Variants in DNAAF1 observed in about 807,000 individuals in gnomAD.
DNAAF1 encodes the protein dynein assembly factor 1, axonemal.
Under a neutral mutation model 71.1 loss-of-function variants are expected in DNAAF1, and 65 were observed. The observed-to-expected ratio is 0.91, with a 90% confidence interval of 0.75 to 1.12. The LOEUF is 1.12. Among genes scored for constraint, DNAAF1 ranks in the 50% most tolerant of loss-of-function variants. The probability of loss-of-function intolerance (pLI) is 0.00; values close to 1 mark genes in which losing one functional copy is unlikely to be tolerated. For synonymous variants in DNAAF1, 414 were observed against 354.6 expected (o/e 1.17, Z -1.88); for missense variants, 1,178 against 899.8 (o/e 1.31, Z -3.96).
intron 1 of DNAAF1, among the ~76,000 whole-genome samples, chr16:84,146,318 G>T (rs2086904435): frequency 6.6e-6 from 1 of 152,224 alleles, no homozygotes; most frequent in African/African-American, 2.4e-5. Flanking sequence ...ATTGAATTTG[G>T]AGTCTAGTCC....
intron 6 of DNAAF1, among the ~76,000 whole-genome samples, chr16:84,164,072 T>C (rs901954047): frequency 2.0e-5 from 3 of 152,328 alleles, no homozygotes; most frequent in Admixed American, 1.3e-4. Context: ...CCCAGAGTGC[T>C]GAGATTACAG....
chr16:84,177,143 TGGCC>T, intron 11 of DNAAF1: 1 of 174,512 alleles, frequency 5.7e-6, no homozygotes. Context: ...AAGCAGGGAG[TGGCC>T]TGAGTGCATT....
chr16:84,176,492 C>T, intron 11 of DNAAF1, 193 bp downstream of exon 11: 2 of 849,568 alleles, frequency 2.4e-6, no homozygotes, highest in Non-Finnish European at 3.7e-6. Flanking sequence ...TTGCTGGTAG[C>T]CAGCCTGGGC....
At chr16:84,172,776 A>G (rs531256827) in intron 9 of DNAAF1, 56 of 1,104,860 alleles carry the variant, frequency 5.1e-5, no homozygotes, top group South Asian at 7.4e-5. Context: ...ATCTTTATAC[A>G]TTGTATCTTT....
At position 84,156,889 on chromosome 16, in the gene DNAAF1, G is replaced by GA. The variant is rs71148886; in HGVS notation, c.741+1140_741+1141insA. 5.1e-3 allele frequency among the ~76,000 whole-genome samples: 533 copies of GA among 104,576 alleles called. 1 individual carries two copies. Among genetic ancestry groups the GA allele is most frequent in the Admixed American group, 6.6e-3 (46 of 6,960 alleles). The allele number at this position is 104,576 out of a possible 152,430, so 68.6% of individuals were successfully genotyped here. A position where few individuals can be genotyped will look rare whatever the true frequency, so the allele number is the denominator to read the frequency against. On this transcript the variant is annotated intron_variant, in intron 5 of 11. Coordinates refer to ENST00000378553, the MANE Select transcript of DNAAF1 (RefSeq NM_178452.6). ...TTTTTTTGAGACAGGGTCTTGCTCT[G>GA]TCACCCAGGCTGGAGTGCAGTGGTA...
intron 3 of DNAAF1, among the ~76,000 whole-genome samples, chr16:84,152,558 G>C (rs1041391422): frequency 6.6e-6 from 1 of 151,250 alleles, no homozygotes; most frequent in African/African-American, 2.4e-5. Context: ...GCTGAGGCAG[G>C]AGAATCGCTT....
At chr16:84,172,518 G>C in intron 9 of DNAAF1, 143 bp downstream of exon 9, 1 of 1,494,596 alleles carries the variant, frequency 6.7e-7, no homozygotes, top group Non-Finnish European at 8.9e-7. Context: ...GCGCTGGTTA[G>C]AAATGCAGAC....
chr16:84,164,756 T>C (rs193052203), intron 6 of DNAAF1, among the ~76,000 whole-genome samples: 2 of 152,346 alleles, frequency 1.3e-5, no homozygotes, highest in Admixed American at 1.3e-4. Flanking sequence ...TGGACATAAG[T>C]CTTCAACTCA....
At chr16:84,152,735 C>T (rs998794155) in intron 3 of DNAAF1, among the ~76,000 whole-genome samples, 8 of 150,832 alleles carry the variant, frequency 5.3e-5, no homozygotes, top group African/African-American at 2.0e-4. Context: ...AGGTGGATCA[C>T]CTGAGGTAAG....
Position 84,176,089 on chromosome 16 carries a change from G to A in DNAAF1, c.1855G>A (p.Val619Met), listed in dbSNP as rs1453957672. 6.2e-7 allele frequency: 1 copy of A among 1,613,878 alleles called. No individual in the cohort carries two copies. Among genetic ancestry groups the A allele is most frequent in the African/African-American group, 1.3e-5 (1 of 74,884 alleles). The part of the protein sequence containing the change: ...VSKDTSKAAR[V>M]PFTDIFKKEA... ...TAAAGACACCTCAAAGGCGGCTCGGGTGCCCTTCACAGACATCTTTAAAAA... is the reference window on the plus strand; with the variant it reads ...TAAAGACACCTCAAAGGCGGCTCGGATGCCCTTCACAGACATCTTTAAAAA... The change falls in exon 11 of 12, where the codon GTG becomes ATG. Residue 619 changes from valine (V) to methionine (M), a missense_variant. Coordinates refer to ENST00000378553, the MANE Select transcript of DNAAF1 (RefSeq NM_178452.6).
intron 3 of DNAAF1, among the ~76,000 whole-genome samples, chr16:84,151,988 C>T (rs942719570): frequency 1.3e-5 from 2 of 152,196 alleles, no homozygotes; most frequent in African/African-American, 2.4e-5. Context: ...CTTACTGCAT[C>T]GCTAACATGA....
intron 3 of DNAAF1, among the ~76,000 whole-genome samples, chr16:84,150,623 T>G (rs2087138825): frequency 6.7e-6 from 1 of 149,620 alleles, no homozygotes; most frequent in African/African-American, 2.5e-5. Flanking sequence ...TTTCTTTTTT[T>G]TTTTTTTTTT....
intron 11 of DNAAF1, 130 bp downstream of exon 11, chr16:84,176,429 A>C (rs1450314762): frequency 7.3e-7 from 1 of 1,363,356 alleles, no homozygotes; most frequent in Non-Finnish European, 1.0e-6. Flanking sequence ...AGGACAGACC[A>C]CACAGATCCT....
intron 9 of DNAAF1, 100 bp from the exon 10 acceptor site, chr16:84,174,569 C>G: frequency 6.2e-7 from 1 of 1,606,540 alleles, no homozygotes; most frequent in Non-Finnish European, 8.5e-7. Flanking sequence ...GTAACTGTAA[C>G]TAAGGCTGGG....
chr16:84,158,545 C>T (rs116043095), intron 5 of DNAAF1, among the ~76,000 whole-genome samples: 1,806 of 152,204 alleles, frequency 0.012, 46 homozygotes, highest in African/African-American at 0.042. Context: ...TTGATTAGGA[C>T]ACAATTCAGC....
intron 10 of DNAAF1, 157 bp from the exon 11 acceptor site, chr16:84,175,776 C>G (rs1447226676): frequency 1.4e-5 from 13 of 946,960 alleles, no homozygotes; most frequent in Non-Finnish European, 2.0e-5. Context: ...ACCCCCAGGC[C>G]TAACTTTCAG....
intron 5 of DNAAF1, among the ~76,000 whole-genome samples, chr16:84,156,851 C>CTTTTTTTTTTTTTTTT (rs778916785): frequency 5.4e-5 from 6 of 111,804 alleles, no homozygotes; most frequent in African/African-American, 2.2e-4. Context: ...TTCTTTCTTT[C>CTTTTTTTTTTTTTTTT]TTTTTTTTTT....
At chr16:84,156,865 T>C (rs1597427540) in intron 5 of DNAAF1, among the ~76,000 whole-genome samples, 1 of 146,152 alleles carries the variant, frequency 6.8e-6, no homozygotes, top group African/African-American at 2.5e-5. Flanking sequence ...TTTTTTTTTT[T>C]TTTTTGAGAC....
chr16:84,171,134 C>T (rs181418478), intron 8 of DNAAF1, among the ~76,000 whole-genome samples: 9 of 152,004 alleles, frequency 5.9e-5, no homozygotes, highest in Non-Finnish European at 1.3e-4. Context: ...AGGATACAGC[C>T]CGGGGGAAAA....
Sources: allele counts gnomAD v4.1 joint callset (sites outside exome capture counted in the v4.1 genomes callset), GRCh38; gene constraint gnomAD v4.1.1; transcripts MANE v1.5; gene names NCBI Gene and HGNC (gene_info 2026-07-23, HGNC 2026-07-21).